Variants in SOD1 observed in about 807,000 individuals in gnomAD.
SOD1 encodes superoxide dismutase [Cu-Zn].
Under a neutral mutation model 15.9 loss-of-function variants are expected in SOD1, and 8 were observed. The ratio of observed to expected loss-of-function variants is 0.50; its 90% confidence interval spans 0.30 to 0.91. SOD1 has a LOEUF of 0.91. SOD1 is among the 40% of genes least tolerant of loss of function. SOD1 has a pLI of 0.07. For synonymous variants in SOD1, 86 were observed against 71.2 expected, an observed-to-expected ratio of 1.21 and a Z score of -1.04; for missense variants, 137 against 194.5, an observed-to-expected ratio of 0.70 and a Z score of 1.76.
intron 2 of SOD1, 58 bp from the exon 3 acceptor site, chr21:31,666,391 A>G: frequency 7.6e-7 from 1 of 1,316,016 alleles, no homozygotes; most frequent in Non-Finnish European, 1.1e-6. Flanking sequence ...TTCTTTTTAG[A>G]ATGTATTTGG....
Position 31,668,851 on chromosome 21 carries a change from C to CT in SOD1, c.*276dup, listed in dbSNP as rs999744184. The CT allele has an allele frequency of 2.7e-5, 11 of 408,944 alleles. No homozygotes were observed. In the East Asian group the frequency reaches 5.4e-4, roughly 20 times the overall value. The allele number at this position is 408,944 out of a possible 1,614,324, so 25.3% of individuals were successfully genotyped here. On this transcript the variant is annotated 3_prime_UTR_variant, in exon 5 of 5. Transcript: ENST00000270142. ...ATGGGTATTAAACTTGTCAGAATTT[C>CT]TTTGTCATTCAAGCCTGTGAATAAA...
chr21:31,659,746 G>C lies in SOD1; in HGVS notation c.-24G>C. On this transcript the variant is annotated 5_prime_UTR_variant, in exon 1 of 5. Coordinates refer to ENST00000270142, the MANE Select transcript of SOD1 (RefSeq NM_000454.5). The stretch of plus-strand genomic sequence containing the variant: ...TTTCCGTTGCAGTCCTCGGAACCAG[G>C]ACCTCGGCGTGGCCTAGCGAGTTAT... 6.2e-7 allele frequency: 1 copy of C among 1,613,624 alleles called. No homozygotes were observed. The highest frequency in any genetic ancestry group is 8.5e-7 in the Non-Finnish European group (1 of 1,179,714).
chr21:31,666,865 TAAAA>T (rs200145715), intron 3 of SOD1: 4 of 335,484 alleles, frequency 1.2e-5, no homozygotes, highest in Non-Finnish European at 1.1e-5. Context: ...CTTCTGTAGA[TAAAA>T]AAAAAAATTG....
At chr21:31,665,549 G>T (rs573620397) in intron 2 of SOD1, among the ~76,000 whole-genome samples, 11 of 152,136 alleles carry the variant, frequency 7.2e-5, no homozygotes, top group Non-Finnish European at 1.6e-4. Flanking sequence ...GACTCCTGCG[G>T]GTGAGAGCGT....
intron 1 of SOD1, among the ~76,000 whole-genome samples, chr21:31,661,292 G>C (rs2049546419): frequency 6.6e-6 from 1 of 152,126 alleles, no homozygotes. Flanking sequence ...TTTGGCATTT[G>C]ACTCCATTTT....
intron 2 of SOD1, among the ~76,000 whole-genome samples, chr21:31,666,095 C>G (rs1027589289): frequency 1.3e-5 from 2 of 151,458 alleles, no homozygotes. Context: ...CCTCAGCCTA[C>G]TAAGTAGCTG....
chr21:31,666,664 A>C, intron 3 of SOD1, 146 bp downstream of exon 3: 1 of 711,002 alleles, frequency 1.4e-6, no homozygotes. Flanking sequence ...CCCTGCTCCC[A>C]AATGCTGGAA....
At position 31,664,837 on chromosome 21, in the gene SOD1, C is replaced by G. The variant is rs17886606; in HGVS notation, c.169+951C>G. Among the ~76,000 whole-genome samples the G allele has an allele frequency of 6.7e-3, 1,024 of 152,124 alleles. 14 individuals carry two copies. Among genetic ancestry groups the G allele is most frequent in the African/African-American group, 0.023 (964 of 41,484 alleles). ...GTTTCACTGTGTTAGCCAAGATGGT[C>G]TCTCTCCTGACCTCGTGATCCGCCT... On this transcript the variant is annotated intron_variant, in intron 2 of 4. Coordinates refer to ENST00000270142, the MANE Select transcript of SOD1 (RefSeq NM_000454.5).
In SOD1 at chr21:31,668,335, ATATTAG is replaced by A; in HGVS notation, c.358-132_358-127del. On this transcript the variant is annotated intron_variant, in intron 4 of 4. Transcript: ENST00000270142. Reference sequence around the variant, plus strand: ...GTAGTTTCTACTTTTAAACTACTAAATATTAGTATATCTCTCTACTAGGATTAATGT... The same window carrying A: ...GTAGTTTCTACTTTTAAACTACTAAATATATCTCTCTACTAGGATTAATGT... 4.4e-6 allele frequency: 3 copies of A among 677,676 alleles called. 1 individual carries two copies. The South Asian group carries it at 4.9e-5, about 11-fold the overall frequency. The allele number at this position is 677,676 out of a possible 1,614,324, so 42.0% of individuals were successfully genotyped here.
chr21:31,661,022 T>C (rs1358206405), intron 1 of SOD1, among the ~76,000 whole-genome samples: 1 of 152,236 alleles, frequency 6.6e-6, no homozygotes, highest in Admixed American at 6.5e-5. Context: ...CAAAACGTGT[T>C]GCAAGGAAGG....
chr21:31,665,587 G>C (rs1362121576), intron 2 of SOD1, among the ~76,000 whole-genome samples: 1 of 152,164 alleles, frequency 6.6e-6, no homozygotes, highest in Non-Finnish European at 1.5e-5. Flanking sequence ...TTATGAAAGG[G>C]CCTCCTGTGC....
chr21:31,667,086 C>A, intron 3 of SOD1, 172 bp from the exon 4 acceptor site: 1 of 653,278 alleles, frequency 1.5e-6, no homozygotes, highest in South Asian at 1.7e-5. Flanking sequence ...CATCTTTCTT[C>A]CCAGAGCATT....
chr21:31,665,219 G>T (rs913582816), intron 2 of SOD1, among the ~76,000 whole-genome samples: 6 of 152,092 alleles, frequency 3.9e-5, no homozygotes, highest in African/African-American at 1.2e-4. Context: ...ACCAGAGTAG[G>T]TTCAGAGAAA....
At chr21:31,668,056 C>A (rs1022895603) in intron 4 of SOD1, among the ~76,000 whole-genome samples, 4 of 152,020 alleles carry the variant, frequency 2.6e-5, no homozygotes, top group Non-Finnish European at 5.9e-5. Flanking sequence ...TACTTATAGG[C>A]CCGTCATTCA....
chr21:31,661,213 T>C (rs1191503033), intron 1 of SOD1, among the ~76,000 whole-genome samples: 1 of 152,234 alleles, frequency 6.6e-6, no homozygotes, highest in Non-Finnish European at 1.5e-5. Flanking sequence ...ATGTCTGAAA[T>C]ATATGTGAGG....
At chr21:31,664,128 C>T (rs192548935) in intron 2 of SOD1, among the ~76,000 whole-genome samples, 107 of 152,188 alleles carry the variant, frequency 7.0e-4, no homozygotes, top group South Asian at 4.4e-3. Context: ...CACACCACCA[C>T]GCCTGGCTAA....
At chr21:31,665,491 G>T (rs1417547212) in intron 2 of SOD1, among the ~76,000 whole-genome samples, 1 of 152,196 alleles carries the variant, frequency 6.6e-6, no homozygotes, top group African/African-American at 2.4e-5. Flanking sequence ...TCTGGGAGGT[G>T]ATTGCTCTGC....
rs757951479 is a variant in SOD1 at position 31,667,369 on chromosome 21, A to C, written c.351A>C (p.Thr117=). ...GAGACCATTGCATCATTGGCCGCACACTGGTGGTAAGTTTTCATAAAAGGA... is the reference window on the plus strand; with the variant it reads ...GAGACCATTGCATCATTGGCCGCACCCTGGTGGTAAGTTTTCATAAAAGGA... ...LSGDHCIIGR[T]LVVHEKADDL... Residue 117 remains threonine (T), a synonymous_variant, in exon 4 of 5, where the codon ACA becomes ACC. Transcript: ENST00000270142. The C allele has an allele frequency of 6.2e-7, 1 of 1,606,968 alleles. No homozygotes were observed. Among genetic ancestry groups the C allele is most frequent in the Admixed American group, 1.7e-5 (1 of 60,004 alleles).
Position 31,659,800 on chromosome 21 carries a change from G to A in SOD1, c.31G>A (p.Gly11Ser). ...GACGAAGGCCGTGTGCGTGCTGAAG[G>A]GCGACGGCCCAGTGCAGGGCATCAT... MATKAVCVLK[G>S]DGPVQGIINF... Residue 11 changes from glycine to serine, a missense_variant, in exon 1 of 5, where the codon GGC (glycine) becomes AGC (serine). Transcript: ENST00000270142. 6.2e-7 allele frequency: 1 copy of A among 1,613,926 alleles called. No homozygotes were observed. Among genetic ancestry groups the A allele is most frequent in the East Asian group, 2.2e-5 (1 of 44,886 alleles).
Sources: gnomAD v4.1 joint callset for allele counts (sites outside exome capture counted in the v4.1 genomes callset) on GRCh38, gnomAD v4.1.1 for gene constraint, MANE v1.5 for transcripts, NCBI Gene and HGNC (gene_info 2026-07-23, HGNC 2026-07-21) for gene names.